Variants in CWC27 observed in about 807,000 individuals in gnomAD.
CWC27 encodes spliceosome-associated protein CWC27 homolog.
Under a neutral mutation model 63.6 loss-of-function variants are expected in CWC27, and 47 were observed. The observed-to-expected ratio is 0.74, with a 90% CI of 0.58 to 0.94. The LOEUF (loss-of-function observed/expected upper bound fraction) is 0.94. Among genes scored for constraint, CWC27 ranks in the 40% least tolerant of loss-of-function variants. The probability of loss-of-function intolerance (pLI) is 0.00; values close to 1 mark genes in which losing one functional copy is unlikely to be tolerated. For synonymous variants in CWC27, 175 were observed against 179.8 expected, an observed-to-expected ratio of 0.97 and a Z score of 0.22; for missense variants, 495 against 554.3, an observed-to-expected ratio of 0.89 and a Z score of 1.07.
intron 10 of CWC27, chr5:64,808,387 C>A (rs141941219): frequency 7.4e-6 from 7 of 949,952 alleles, no homozygotes; most frequent in Non-Finnish European, 8.8e-6. Flanking sequence ...TTTCACACTC[C>A]TGTAATATTA....
At chr5:64,824,028 A>G (rs1745289531) in intron 10 of CWC27, among the ~76,000 whole-genome samples, 2 of 152,210 alleles carry the variant, frequency 1.3e-5, no homozygotes, top group Non-Finnish European at 2.9e-5. Flanking sequence ...GTGATTATAG[A>G]TATGTTCACT....
chr5:64,814,656 C>T lies in CWC27; in HGVS notation c.938+10270C>T, dbSNP rs150845413. Among the ~76,000 whole-genome samples, 664 of 152,280 alleles carry T rather than the reference C, an allele frequency of 4.4e-3. 2 individuals carry two copies. The highest frequency in any genetic ancestry group is 7.9e-3 in the Non-Finnish European group (536 of 68,028). ...TACTTGAACCTGCAATGGTATGACA[C>T]CTCTACAGAGCCTAGAGAGGGGTTG... On this transcript the variant is annotated intron_variant, in intron 10 of 13. Coordinates refer to ENST00000381070, the MANE Select transcript of CWC27 (RefSeq NM_005869.4).
intron 13 of CWC27, among the ~76,000 whole-genome samples, chr5:64,990,883 T>C (rs1460735413): frequency 6.6e-6 from 1 of 152,244 alleles, no homozygotes; most frequent in Non-Finnish European, 1.5e-5. Context: ...ATTTATGGGC[T>C]CAGTTTATTC....
At chr5:64,840,992 A>C (rs1316068760) in intron 10 of CWC27, among the ~76,000 whole-genome samples, 1 of 152,220 alleles carries the variant, frequency 6.6e-6, no homozygotes, top group Non-Finnish European at 1.5e-5. Flanking sequence ...AGGGACTTCA[A>C]ATTCAACATT....
At chr5:64,903,344 C>T (rs898104716) in intron 11 of CWC27, among the ~76,000 whole-genome samples, 1 of 152,060 alleles carries the variant, frequency 6.6e-6, no homozygotes, top group Non-Finnish European at 1.5e-5. Flanking sequence ...ACTATGCAGC[C>T]ATAAAAAAAT....
At chr5:64,852,361 T>G (rs1746152201) in intron 10 of CWC27, among the ~76,000 whole-genome samples, 1 of 152,260 alleles carries the variant, frequency 6.6e-6, no homozygotes, top group Non-Finnish European at 1.5e-5. Context: ...CTCTATCATA[T>G]TCTTCAGCCC....
chr5:65,006,206 G>A (rs1314468698), intron 13 of CWC27, among the ~76,000 whole-genome samples: 2 of 152,090 alleles, frequency 1.3e-5, no homozygotes, highest in Admixed American at 6.5e-5. Context: ...GTCATATTTA[G>A]GCTTCCAAGT....
chr5:64,832,918 T>C (rs1355944936), intron 10 of CWC27, among the ~76,000 whole-genome samples: 2 of 151,790 alleles, frequency 1.3e-5, no homozygotes, highest in African/African-American at 4.8e-5. Flanking sequence ...GAACTGCTTA[T>C]ATAGTGGCTT....
intron 11 of CWC27, among the ~76,000 whole-genome samples, chr5:64,907,714 G>C (rs1461605268): frequency 6.6e-6 from 1 of 152,180 alleles, no homozygotes; most frequent in Non-Finnish European, 1.5e-5. Flanking sequence ...AATAGGAGTG[G>C]TGAGAGAGGG....
At chr5:64,982,476 C>G (rs1474574148) in intron 13 of CWC27, among the ~76,000 whole-genome samples, 2 of 151,882 alleles carry the variant, frequency 1.3e-5, no homozygotes, top group Non-Finnish European at 2.9e-5. Flanking sequence ...GCATACACCA[C>G]CATACTCGGC....
chr5:65,000,836 A>T (rs1749719167), intron 13 of CWC27, among the ~76,000 whole-genome samples: 1 of 152,086 alleles, frequency 6.6e-6, no homozygotes, highest in Non-Finnish European at 1.5e-5. Flanking sequence ...TACAAATTGT[A>T]GGATTTTTTT....
chr5:64,993,127 T>G (rs922933119), intron 13 of CWC27, among the ~76,000 whole-genome samples: 3 of 152,130 alleles, frequency 2.0e-5, no homozygotes, highest in Non-Finnish European at 4.4e-5. Flanking sequence ...TAGAATTAAA[T>G]GAGATAATTC....
chr5:64,903,139 C>T (rs1009567281), intron 11 of CWC27, among the ~76,000 whole-genome samples: 4 of 151,998 alleles, frequency 2.6e-5, no homozygotes, highest in Non-Finnish European at 5.9e-5. Flanking sequence ...GATCTAGAAC[C>T]GGAAATACCA....
chr5:64,957,562 G>C (rs1462061723), intron 11 of CWC27, among the ~76,000 whole-genome samples: 1 of 152,116 alleles, frequency 6.6e-6, no homozygotes, highest in Admixed American at 6.5e-5. Flanking sequence ...GCCCCCAAAA[G>C]AAAAGCACAT....
At chr5:64,939,492 T>G (rs1458640455) in intron 11 of CWC27, among the ~76,000 whole-genome samples, 1 of 152,154 alleles carries the variant, frequency 6.6e-6, no homozygotes, top group Non-Finnish European at 1.5e-5. Flanking sequence ...TCTGGAAGCT[T>G]CATCCCAGAG....
At chr5:64,969,094 G>A (rs1749073199) in intron 11 of CWC27, among the ~76,000 whole-genome samples, 1 of 152,140 alleles carries the variant, frequency 6.6e-6, no homozygotes, top group Non-Finnish European at 1.5e-5. Context: ...GAAATTAAGT[G>A]GTTGGTCCTT....
intron 11 of CWC27, among the ~76,000 whole-genome samples, chr5:64,906,833 G>T (rs1747653718): frequency 6.6e-6 from 1 of 152,086 alleles, no homozygotes; most frequent in Non-Finnish European, 1.5e-5. Context: ...AATTCATCTT[G>T]AATTAATTTT....
intron 2 of CWC27, among the ~76,000 whole-genome samples, chr5:64,777,505 C>A (rs781172821): frequency 1.3e-5 from 2 of 152,048 alleles, no homozygotes; most frequent in Non-Finnish European, 2.9e-5. Flanking sequence ...CCTCTATGAA[C>A]TTGGGCAAGA....
chr5:64,855,565 G>A (rs1316813525), intron 10 of CWC27, among the ~76,000 whole-genome samples: 1 of 152,140 alleles, frequency 6.6e-6, no homozygotes, highest in African/African-American at 2.4e-5. Context: ...TGAGGAACAA[G>A]TAGAACGTCT....
Sources: gnomAD v4.1 joint callset for allele counts (sites outside exome capture counted in the v4.1 genomes callset) on GRCh38, gnomAD v4.1.1 for gene constraint, MANE v1.5 for transcripts, NCBI Gene and HGNC (gene_info 2026-07-23, HGNC 2026-07-21) for gene names.